The following USP3 variants were observed in gnomAD, a reference collection of about 807,000 sequenced individuals.
The protein encoded by USP3 is ubiquitin carboxyl-terminal hydrolase 3.
A neutral mutation model predicts 72.3 loss-of-function variants in USP3; 20 were observed. The ratio of observed to expected loss-of-function variants is 0.28; its 90% confidence interval spans 0.19 to 0.40. The LOEUF (loss-of-function observed/expected upper bound fraction) is 0.40, where lower values mean the gene tolerates loss of function less well. Among genes scored for constraint, USP3 ranks in the 10% least tolerant of loss-of-function variants. The pLI, the probability that USP3 is intolerant of heterozygous loss-of-function variation, is 1.00. For synonymous variants in USP3, 222 were observed against 225.3 expected (o/e 0.99, Z 0.13); for missense variants, 479 against 633.9 (o/e 0.76, Z 2.62).
chr15:63,505,837 C>T (rs2152644628), intron 1 of USP3, among the ~76,000 whole-genome samples: 2 of 152,252 alleles, frequency 1.3e-5, no homozygotes, highest in Middle Eastern at 3.4e-3. Flanking sequence ...TTGTGCACTT[C>T]AGAAATCTGA....
Position 63,588,685 on chromosome 15 carries a change from G to A in USP3, c.1216-17G>A, listed in dbSNP as rs760807071. ...AATTAGGTGTTCACAATCTTTGACC[G>A]CATCTCTGTCCTCCAGGTGCTATGC... On this transcript the variant is annotated splice_polypyrimidine_tract_variant and intron_variant, in intron 12 of 14. Transcript: ENST00000380324. This position sits in a 1 kb window ranked among gnomAD's most constrained non-coding sequence, Gnocchi z 4.6. The A allele has an allele frequency of 1.9e-5, 30 of 1,569,838 alleles. No homozygotes were observed. Among genetic ancestry groups the A allele is most frequent in the African/African-American group, 6.8e-5 (5 of 73,794 alleles).
At chr15:63,554,991 T>C (rs2066487811) in intron 4 of USP3, among the ~76,000 whole-genome samples, 1 of 152,224 alleles carries the variant, frequency 6.6e-6, no homozygotes, top group Non-Finnish European at 1.5e-5. Context: ...TGAAGGAATG[T>C]ATGTAGTATC....
rs563397370 is a variant in USP3, at chr15:63,574,472, A to C, written c.1096+69A>C. ...TTGAATAGATTGATAAGCTTCATCT[A>C]TATGTGGTATCTTTAATTAATATCT... On this transcript the variant is annotated intron_variant, in intron 11 of 14. Transcript: ENST00000380324. This position sits in a 1 kb window ranked among gnomAD's most constrained non-coding sequence, Gnocchi z 4.6. 1.4e-5 allele frequency: 16 copies of C among 1,176,128 alleles called. No homozygotes were observed. The East Asian group carries it at 4.2e-4, about 31-fold the overall frequency. 72.9% of individuals were successfully genotyped at this position (1,176,128 alleles called of 1,614,324 possible).
intron 3 of USP3, among the ~76,000 whole-genome samples, chr15:63,540,407 T>C (rs1383919942): frequency 6.6e-6 from 1 of 152,228 alleles, no homozygotes; most frequent in African/African-American, 2.4e-5. Flanking sequence ...TCTCAGATCT[T>C]TGTATTTTTC....
chr15:63,590,804 A>G lies in USP3; in HGVS notation c.1541A>G (p.Lys514Arg). The change falls in exon 15 of 15, where the codon AAA (lysine) becomes AGA (arginine). Residue 514 changes from lysine (K) to arginine (R), a missense_variant. Physicochemically the swap from Lys to Arg is conservative, Grantham distance 26 (BLOSUM62 2). Coordinates refer to ENST00000380324, the MANE Select transcript of USP3 (RefSeq NM_006537.4). ...YILFYVEHQA[K>R]AGSDKL ...CTTTTCTACGTGGAACACCAGGCCA[A>G]AGCTGGATCGGATAAACTTTAATAC... is the stretch of plus-strand genomic sequence containing the variant. 2 of 1,613,516 alleles carry G rather than the reference A, an allele frequency of 1.2e-6. No individual in the cohort carries two copies. Among genetic ancestry groups the G allele is most frequent in the Non-Finnish European group, 1.7e-6 (2 of 1,179,864 alleles).
At position 63,579,300 on chromosome 15, in the gene USP3, C is replaced by T. The variant is rs181401699; in HGVS notation, c.1096+4897C>T. Among the ~76,000 whole-genome samples the T allele has an allele frequency of 1.8e-3, 281 of 152,142 alleles. 1 individual carries two copies. Among genetic ancestry groups the T allele is most frequent in the African/African-American group, 6.5e-3 (269 of 41,514 alleles). ...TGATTTATTCAAAAATTCCTCTGTA[C>T]GCAGAAATTCTCAAGAAGAGCTAAA... On this transcript the variant is annotated intron_variant, in intron 11 of 14. Coordinates refer to ENST00000380324, the MANE Select transcript of USP3 (RefSeq NM_006537.4).
At chr15:63,590,569 C>A in intron 14 of USP3, 92 bp from the exon 15 acceptor site, 2 of 1,220,496 alleles carry the variant, frequency 1.6e-6, no homozygotes, top group Non-Finnish European at 2.2e-6. Context: ...AGGATGTATT[C>A]TTATTAAAAT....
intron 1 of USP3, among the ~76,000 whole-genome samples, chr15:63,521,783 G>A (rs1460436621): frequency 6.6e-6 from 1 of 152,172 alleles, no homozygotes; most frequent in Non-Finnish European, 1.5e-5. Context: ...ACTCCCTGGA[G>A]TTATAGAATG....
At chr15:63,514,736 A>C (rs78473652) in intron 1 of USP3, among the ~76,000 whole-genome samples, 2 of 152,148 alleles carry the variant, frequency 1.3e-5, no homozygotes, top group Admixed American at 6.5e-5. Context: ...TTCCTTAAAT[A>C]TATACGAGTC....
intron 7 of USP3, among the ~76,000 whole-genome samples, chr15:63,562,494 G>T (rs1364328997): frequency 6.6e-6 from 1 of 152,168 alleles, no homozygotes. Flanking sequence ...CTGGAGTCTG[G>T]GGGTGCTAGT....
chr15:63,567,438 C>T (rs2066709297), intron 8 of USP3, among the ~76,000 whole-genome samples: 1 of 151,904 alleles, frequency 6.6e-6, no homozygotes, highest in African/African-American at 2.4e-5. Flanking sequence ...GCTCCACCTC[C>T]CAGGTTCACA....
intron 11 of USP3, among the ~76,000 whole-genome samples, chr15:63,575,927 C>G (rs904619477): frequency 6.6e-6 from 1 of 151,614 alleles, no homozygotes; most frequent in Non-Finnish European, 1.5e-5. Flanking sequence ...CAGTAATAAT[C>G]ACATTAGTTT....
intron 11 of USP3, among the ~76,000 whole-genome samples, chr15:63,578,153 G>A (rs758481428): frequency 6.6e-6 from 1 of 151,942 alleles, no homozygotes; most frequent in Admixed American, 6.6e-5. Context: ...GCATGTGCCT[G>A]TAGTCCCAGC....
At chr15:63,542,097 T>G (rs1325100762) in intron 3 of USP3, 1 of 985,106 alleles carries the variant, frequency 1.0e-6, no homozygotes, top group Admixed American at 6.2e-5. Flanking sequence ...TTCTTAGTTC[T>G]TCAAGGACAT....
intron 8 of USP3, among the ~76,000 whole-genome samples, chr15:63,565,660 A>C (rs1433607561): frequency 1.3e-5 from 2 of 152,044 alleles, no homozygotes. Context: ...GTCATTTTTA[A>C]TGTAATTGGT....
At chr15:63,583,880 C>CCT (rs1037102430) in intron 11 of USP3, among the ~76,000 whole-genome samples, 1 of 152,146 alleles carries the variant, frequency 6.6e-6, no homozygotes, top group Non-Finnish European at 1.5e-5. Context: ...GTTGACGACA[C>CCT]TTGGGTTTTT....
chr15:63,520,703 A>G (rs553654068), intron 1 of USP3, among the ~76,000 whole-genome samples: 1 of 151,712 alleles, frequency 6.6e-6, no homozygotes, highest in African/African-American at 2.4e-5. Context: ...GGCTGGGATT[A>G]CAGGCGTGGG....
At chr15:63,509,026 G>A (rs1253485917) in intron 1 of USP3, among the ~76,000 whole-genome samples, 1 of 152,142 alleles carries the variant, frequency 6.6e-6, no homozygotes, top group African/African-American at 2.4e-5. Context: ...TCAGTAGGAT[G>A]AGGTGTTGAT....
chr15:63,561,564 C>A (rs991698420), intron 7 of USP3, among the ~76,000 whole-genome samples: 1 of 152,174 alleles, frequency 6.6e-6, no homozygotes, highest in Non-Finnish European at 1.5e-5. Flanking sequence ...GCTCTTTGCC[C>A]CCCCTGCTAC....
Sources: gnomAD v4.1 joint callset for allele counts (sites outside exome capture counted in the v4.1 genomes callset) on GRCh38, gnomAD v4.1.1 for gene constraint, Gnocchi (gnomAD v3.1) non-coding constraint, MANE v1.5 for transcripts, NCBI Gene and HGNC (gene_info 2026-07-23, HGNC 2026-07-21) for gene names.